The following CHRM3 variants were observed in gnomAD, a reference collection of about 807,000 sequenced individuals.
CHRM3 encodes the protein muscarinic acetylcholine receptor M3.
A neutral mutation model predicts 41.8 loss-of-function variants in CHRM3; 11 were observed. That is an observed-to-expected ratio of 0.26 (90% CI 0.17 to 0.44). The LOEUF (loss-of-function observed/expected upper bound fraction) is 0.44. Among genes scored for constraint, CHRM3 ranks in the 20% least tolerant of loss-of-function variants. The probability of loss-of-function intolerance (pLI) is 1.00; values close to 1 mark genes in which losing one functional copy is unlikely to be tolerated. For synonymous variants in CHRM3, 297 were observed against 301.4 expected, an observed-to-expected ratio of 0.99 and a Z score of 0.15; for missense variants, 571 against 745.4, an observed-to-expected ratio of 0.77 and a Z score of 2.72.
chr1:239,753,677 T>G (rs1264262034), intron 5 of CHRM3, among the ~76,000 whole-genome samples: 1 of 152,176 alleles, frequency 6.6e-6, no homozygotes, highest in African/African-American at 2.4e-5. Flanking sequence ...CCATATCAGA[T>G]AGTAAGTCAT....
chr1:239,461,590 G>A (rs912846675), intron 1 of CHRM3, among the ~76,000 whole-genome samples: 9 of 151,838 alleles, frequency 5.9e-5, no homozygotes, highest in East Asian at 1.9e-4. Flanking sequence ...GCTTATGTGC[G>A]TGCCTCCATA....
intron 3 of CHRM3, among the ~76,000 whole-genome samples, chr1:239,591,019 T>C (rs554201611): frequency 6.6e-6 from 1 of 152,324 alleles, no homozygotes; most frequent in Non-Finnish European, 1.5e-5. Context: ...TAAGTGTTAA[T>C]GCTCATTATG....
intron 1 of CHRM3, among the ~76,000 whole-genome samples, chr1:239,407,417 T>TATATATATAGAGAGAG: frequency 7.5e-6 from 1 of 134,116 alleles, no homozygotes; most frequent in Non-Finnish European, 1.7e-5. Flanking sequence ...TATATATATA[T>TATATATATAGAGAGAG]AGAGAGAGAG....
chr1:239,570,062 C>G (rs546522596), intron 3 of CHRM3, among the ~76,000 whole-genome samples: 73 of 152,190 alleles, frequency 4.8e-4, no homozygotes, highest in African/African-American at 1.7e-3. Context: ...TGGTTTGGCT[C>G]TTTGTCCCCA....
intron 3 of CHRM3, among the ~76,000 whole-genome samples, chr1:239,575,806 A>C (rs918757863): frequency 7.9e-5 from 12 of 151,872 alleles, no homozygotes; most frequent in Non-Finnish European, 1.3e-4. Context: ...TAAAAAAAAA[A>C]CACGTAAAAC....
chr1:239,879,493 T>C (rs554689433), intron 6 of CHRM3, among the ~76,000 whole-genome samples: 2 of 152,186 alleles, frequency 1.3e-5, no homozygotes, highest in Non-Finnish European at 2.9e-5. Flanking sequence ...TATTAAAACA[T>C]CCATAAATCT....
intron 2 of CHRM3, among the ~76,000 whole-genome samples, chr1:239,530,822 C>T (rs2148327589): frequency 6.6e-6 from 1 of 152,178 alleles, no homozygotes; most frequent in East Asian, 1.9e-4. Context: ...AATTAATAGA[C>T]CCTCAGGGAC....
At chr1:239,559,530 C>G (rs1270505982) in intron 3 of CHRM3, among the ~76,000 whole-genome samples, 1 of 152,110 alleles carries the variant, frequency 6.6e-6, no homozygotes, top group Non-Finnish European at 1.5e-5. Context: ...TTCGGAGGGG[C>G]TAATTTTTAA....
intron 5 of CHRM3, among the ~76,000 whole-genome samples, chr1:239,770,878 G>C (rs1444776629): frequency 6.6e-6 from 1 of 152,082 alleles, no homozygotes; most frequent in Non-Finnish European, 1.5e-5. Context: ...CTTGAGGTCA[G>C]GAGTTTGAGA....
chr1:239,747,380 A>C (rs1288059256), intron 5 of CHRM3, among the ~76,000 whole-genome samples: 2 of 152,316 alleles, frequency 1.3e-5, no homozygotes, highest in Admixed American at 1.3e-4. Context: ...AAGTCCAACT[A>C]AAGATGTTCA....
intron 6 of CHRM3, among the ~76,000 whole-genome samples, chr1:239,863,546 G>GAC (rs1675818120): frequency 6.6e-6 from 1 of 152,182 alleles, no homozygotes; most frequent in Admixed American, 6.5e-5. Context: ...CTAATCAGCA[G>GAC]ACACCAGGGT....
At chr1:239,592,365 T>C (rs1664272217) in intron 3 of CHRM3, among the ~76,000 whole-genome samples, 1 of 152,192 alleles carries the variant, frequency 6.6e-6, no homozygotes. Flanking sequence ...GTGTTTAATG[T>C]AACTATCGCA....
rs538524852 is a variant in CHRM3, at chr1:239,814,536, C to T, written c.-146-12716C>T. ...TCTTTCCTCTGTGGTAACTGTCATG[C>T]GTACCTGCCTGCACCTTTATCATTC... On this transcript the variant is annotated intron_variant, in intron 5 of 6. Transcript: ENST00000676153. Among the ~76,000 whole-genome samples the T allele has an allele frequency of 7.2e-5, 11 of 152,280 alleles. 1 individual carries two copies. The highest frequency in any genetic ancestry group is 2.2e-4 in the African/African-American group (9 of 41,566).
chr1:239,498,825 C>A (rs2148117777), intron 2 of CHRM3, among the ~76,000 whole-genome samples: 1 of 152,246 alleles, frequency 6.6e-6, no homozygotes, highest in South Asian at 2.1e-4. Flanking sequence ...GTACTAGATT[C>A]TGGGCATTTG....
chr1:239,623,368 T>G (rs2148824784), intron 3 of CHRM3, among the ~76,000 whole-genome samples: 1 of 151,266 alleles, frequency 6.6e-6, no homozygotes. Context: ...CAGTGTTTGG[T>G]TTTTTGTCCT....
chr1:239,715,709 T>C (rs2148275583), intron 5 of CHRM3, among the ~76,000 whole-genome samples: 1 of 152,120 alleles, frequency 6.6e-6, no homozygotes, highest in South Asian at 2.1e-4. Flanking sequence ...AGAAAAGATA[T>C]CTCTTCTAAT....
intron 4 of CHRM3, among the ~76,000 whole-genome samples, chr1:239,643,574 G>T (rs1006384236): frequency 5.1e-4 from 77 of 152,326 alleles, no homozygotes; most frequent in African/African-American, 1.4e-3. Flanking sequence ...CTCCGAGCCA[G>T]GTGCGGGATA....
intron 6 of CHRM3, among the ~76,000 whole-genome samples, chr1:239,875,339 T>G (rs1197644695): frequency 6.6e-6 from 1 of 152,220 alleles, no homozygotes; most frequent in East Asian, 1.9e-4. Flanking sequence ...AGGTCTCTGT[T>G]GGGACTATTC....
chr1:239,594,007 G>A (rs1664498658), intron 3 of CHRM3, among the ~76,000 whole-genome samples: 1 of 152,132 alleles, frequency 6.6e-6, no homozygotes, highest in Admixed American at 6.5e-5. Context: ...CATCAAGCAT[G>A]TAATACATCA....
Sources: allele counts gnomAD v4.1 joint callset (sites outside exome capture counted in the v4.1 genomes callset), GRCh38; gene constraint gnomAD v4.1.1; transcripts MANE v1.5; gene names NCBI Gene and HGNC (gene_info 2026-07-23, HGNC 2026-07-21).